Variants in TOX observed in about 807,000 individuals in gnomAD.
TOX encodes the protein thymocyte selection associated high mobility group box.
TOX carries 11 observed loss-of-function variants against 53.7 expected under a neutral mutation model. The observed-to-expected ratio is 0.20, with a 90% CI of 0.13 to 0.34. The LOEUF (loss-of-function observed/expected upper bound fraction) is 0.34, where lower values mean the gene tolerates loss of function less well. Ranked by LOEUF, TOX falls within the 10% of genes least tolerant of loss-of-function variation. The pLI is 1.00. For synonymous variants in TOX, 225 were observed against 245.3 expected, an observed-to-expected ratio of 0.92 and a Z score of 0.77; for missense variants, 570 against 664.6, an observed-to-expected ratio of 0.86 and a Z score of 1.56.
intron 3 of TOX, among the ~76,000 whole-genome samples, chr8:58,939,088 G>A (rs556795226): frequency 4.6e-5 from 7 of 152,160 alleles, no homozygotes; most frequent in African/African-American, 1.4e-4. Context: ...TCATAAATAC[G>A]AGTGACTGCA....
intron 3 of TOX, among the ~76,000 whole-genome samples, chr8:58,884,908 C>T (rs538988399): frequency 6.6e-6 from 1 of 152,178 alleles, no homozygotes; most frequent in African/African-American, 2.4e-5. Flanking sequence ...CCATTCTGAG[C>T]TAACACTGGA....
At chr8:59,032,713 G>T (rs1814380397) in intron 1 of TOX, among the ~76,000 whole-genome samples, 1 of 152,148 alleles carries the variant, frequency 6.6e-6, no homozygotes. Flanking sequence ...TATATAATAA[G>T]AAACTGCTGG....
intron 3 of TOX, among the ~76,000 whole-genome samples, chr8:58,927,023 A>T (rs1198664759): frequency 2.6e-5 from 4 of 151,142 alleles, no homozygotes; most frequent in Admixed American, 6.6e-5. Context: ...CCATATGGTG[A>T]TGTAAATATG....
chr8:59,098,271 G>T (rs1804747892), intron 1 of TOX, among the ~76,000 whole-genome samples: 1 of 152,106 alleles, frequency 6.6e-6, no homozygotes, highest in African/African-American at 2.4e-5. Flanking sequence ...ATTGACCTAT[G>T]AATTCCTTTT....
At chr8:59,032,517 T>C (rs1329723281) in intron 1 of TOX, among the ~76,000 whole-genome samples, 3 of 152,190 alleles carry the variant, frequency 2.0e-5, no homozygotes, top group African/African-American at 4.8e-5. Flanking sequence ...GCCCATGCCA[T>C]CACCTCCAAT....
At chr8:58,870,651 T>C (rs182277421) in intron 3 of TOX, among the ~76,000 whole-genome samples, 2 of 152,154 alleles carry the variant, frequency 1.3e-5, no homozygotes, top group Admixed American at 1.3e-4. Flanking sequence ...CTTGCAATAA[T>C]GTGGACACCA....
chr8:59,022,919 C>A (rs1230083556), intron 1 of TOX, among the ~76,000 whole-genome samples: 1 of 152,166 alleles, frequency 6.6e-6, no homozygotes, highest in East Asian at 1.9e-4. Flanking sequence ...GAGACCTTCA[C>A]TACTCCAGTG....
chr8:59,025,530 T>A (rs1814219208), intron 1 of TOX, among the ~76,000 whole-genome samples: 1 of 152,122 alleles, frequency 6.6e-6, no homozygotes, highest in South Asian at 2.1e-4. Context: ...GATCCCAACC[T>A]ACACTTCTAG....
intron 1 of TOX, among the ~76,000 whole-genome samples, chr8:59,026,064 C>T (rs1020628097): frequency 1.3e-5 from 2 of 152,138 alleles, no homozygotes. Flanking sequence ...TTTATATGCT[C>T]TATCTGCGCT....
At chr8:58,861,317 G>A (rs1055264544) in intron 3 of TOX, among the ~76,000 whole-genome samples, 1 of 152,162 alleles carries the variant, frequency 6.6e-6, no homozygotes, top group African/African-American at 2.4e-5. Context: ...ATCTGAATTA[G>A]CAGTTCCTAC....
chr8:58,921,101 C>G (rs1460287196), intron 3 of TOX, among the ~76,000 whole-genome samples: 2 of 152,128 alleles, frequency 1.3e-5, no homozygotes. Context: ...CCAGGAGGTA[C>G]TGTTCATCAG....
Position 58,809,737 on chromosome 8 carries a change from C to T in TOX, c.1393-1468G>A, listed in dbSNP as rs557989454. ...CCCTAGTGTCTAGTTCGATGCTGGG[C>T]GAAGGACAGGAGAAAACTCTTGAGA... On this transcript the variant is annotated intron_variant, in intron 7 of 8. Coordinates refer to ENST00000361421, the MANE Select transcript of TOX (RefSeq NM_014729.3). 2.6e-5 allele frequency among the ~76,000 whole-genome samples: 4 copies of T among 152,276 alleles called. 1 individual carries two copies. The highest frequency in any genetic ancestry group is 4.1e-4 in the South Asian group (2 of 4,820).
At chr8:59,016,213 A>T (rs2129419063) in intron 1 of TOX, among the ~76,000 whole-genome samples, 1 of 152,320 alleles carries the variant, frequency 6.6e-6, no homozygotes, top group Admixed American at 6.5e-5. Flanking sequence ...ATTCAAAAAC[A>T]AGCATCACTT....
At chr8:58,859,376 A>C (rs1810967968) in intron 3 of TOX, among the ~76,000 whole-genome samples, 1 of 152,116 alleles carries the variant, frequency 6.6e-6, no homozygotes, top group African/African-American at 2.4e-5. Context: ...CTTGATTTCA[A>C]CTCTGCATTT....
intron 1 of TOX, among the ~76,000 whole-genome samples, chr8:59,026,093 G>A (rs1814232415): frequency 6.6e-6 from 1 of 151,472 alleles, no homozygotes; most frequent in Non-Finnish European, 1.5e-5. Flanking sequence ...GGCATTGACG[G>A]GTTCTAGATT....
chr8:58,988,367 T>A (rs1194296226), intron 1 of TOX, among the ~76,000 whole-genome samples: 1 of 152,232 alleles, frequency 6.6e-6, no homozygotes, highest in Admixed American at 6.5e-5. Flanking sequence ...GCCATGTTCT[T>A]TCATTTCTGT....
intron 3 of TOX, among the ~76,000 whole-genome samples, chr8:58,933,438 C>A (rs1235636574): frequency 1.3e-5 from 2 of 151,964 alleles, no homozygotes; most frequent in African/African-American, 4.8e-5. Context: ...CCGTAGTTTC[C>A]TTTTAACAAC....
intron 1 of TOX, among the ~76,000 whole-genome samples, chr8:59,092,960 T>C (rs1453409466): frequency 6.6e-6 from 1 of 152,092 alleles, no homozygotes; most frequent in Non-Finnish European, 1.5e-5. Flanking sequence ...TGAGGCATAG[T>C]GGAAAGAGCA....
intron 1 of TOX, among the ~76,000 whole-genome samples, chr8:59,066,007 T>C (rs770233696): frequency 6.6e-6 from 1 of 152,122 alleles, no homozygotes; most frequent in Non-Finnish European, 1.5e-5. Context: ...ACAAAAGATG[T>C]CCAAATTGGT....
Sources: gnomAD v4.1 joint callset for allele counts (sites outside exome capture counted in the v4.1 genomes callset) on GRCh38, gnomAD v4.1.1 for gene constraint, MANE v1.5 for transcripts, NCBI Gene and HGNC (gene_info 2026-07-23, HGNC 2026-07-21) for gene names.